The following SLA2 variants were observed in gnomAD, a reference collection of about 807,000 sequenced individuals.
SLA2 encodes src-like-adapter 2.
SLA2 carries 22 observed loss-of-function variants against 27.3 expected under a neutral mutation model. That is an observed-to-expected ratio of 0.81 (90% CI 0.58 to 1.15). SLA2 has a LOEUF of 1.15. Ranked by LOEUF, SLA2 falls within the 50% of genes most tolerant of loss-of-function variation. The pLI is 0.00. For synonymous variants in SLA2, 131 were observed against 137.8 expected (o/e 0.95, Z 0.34); for missense variants, 304 against 322.2 (o/e 0.94, Z 0.43).
In SLA2 at chr20:36,613,892, C is replaced by A; in HGVS notation, c.760G>T (p.Glu254Ter). Residue 254 changes from glutamate (E) to a stop codon, truncating the protein, a stop_gained, in exon 8 of 8, where the codon GAG (glutamate) becomes TAG (stop). Coordinates refer to ENST00000262866, the MANE Select transcript of SLA2 (RefSeq NM_032214.4). LOFTEE classifies it high-confidence loss of function. ...TAGGCATCATCCAAAGAGACAGCCT[C>A]GTCATTCAGGCTGATGTAGAAGCTG... is the stretch of plus-strand genomic sequence containing the variant. Reference protein sequence around the residue: ...SLSFYISLNDEAVSLDDA With the variant: ...SLSFYISLND 2 of 1,613,954 alleles carry A rather than the reference C, an allele frequency of 1.2e-6. No individual in the cohort carries two copies. The highest frequency in any genetic ancestry group is 1.7e-6 in the Non-Finnish European group (2 of 1,179,954).
chr20:36,618,999 G>A (rs935165397), intron 5 of SLA2, among the ~76,000 whole-genome samples: 1 of 151,120 alleles, frequency 6.6e-6, no homozygotes, highest in Non-Finnish European at 1.5e-5. Context: ...GTTGAGGTGG[G>A]CAGATCATTT....
At chr20:36,617,475 G>A (rs1470792089) in intron 5 of SLA2, among the ~76,000 whole-genome samples, 6 of 148,248 alleles carry the variant, frequency 4.0e-5, no homozygotes, top group Non-Finnish European at 6.0e-5. Flanking sequence ...TGAAGGTTGC[G>A]GTGAGCCAAG....
intron 2 of SLA2, among the ~76,000 whole-genome samples, chr20:36,636,281 C>T (rs1449020697): frequency 6.9e-6 from 1 of 145,614 alleles, no homozygotes; most frequent in Non-Finnish European, 1.5e-5. Context: ...ATTAGCCGGG[C>T]GCGGTGGCGG....
intron 2 of SLA2, among the ~76,000 whole-genome samples, chr20:36,637,701 A>C (rs546557709): frequency 7.9e-6 from 1 of 126,596 alleles, no homozygotes; most frequent in Non-Finnish European, 1.6e-5. Context: ...ATCTTGGCTC[A>C]CTGCAATCTT....
At chr20:36,625,927 C>T (rs1424802095) in intron 5 of SLA2, among the ~76,000 whole-genome samples, 1 of 150,984 alleles carries the variant, frequency 6.6e-6, no homozygotes, top group Non-Finnish European at 1.5e-5. Context: ...AAGTTCAAGA[C>T]TAGCCTGGGC....
intron 5 of SLA2, chr20:36,621,126 T>C: frequency 7.8e-6 from 3 of 386,996 alleles, no homozygotes; most frequent in Non-Finnish European, 1.5e-5. Flanking sequence ...ATGGTGAGCC[T>C]GCTTATAGCA....
rs768783143 is a variant in SLA2 at position 36,634,604 on chromosome 20, A to G, written c.92-15T>C. 2.6e-6 allele frequency: 4 copies of G among 1,548,730 alleles called. No homozygotes were observed. The highest frequency in any genetic ancestry group is 3.5e-6 in the Non-Finnish European group (4 of 1,127,494). On this transcript the variant is annotated splice_polypyrimidine_tract_variant and intron_variant, in intron 2 of 7. Coordinates refer to ENST00000262866, the MANE Select transcript of SLA2 (RefSeq NM_032214.4). ...CTTGCTTCTCTCTAGATGGAGGGACAGAAATAGTCACCTACTTAGCTAGCC... is the reference window on the plus strand; with the variant it reads ...CTTGCTTCTCTCTAGATGGAGGGACGGAAATAGTCACCTACTTAGCTAGCC...
intron 5 of SLA2, among the ~76,000 whole-genome samples, chr20:36,617,205 A>G (rs2039223123): frequency 6.8e-6 from 1 of 147,270 alleles, no homozygotes. Flanking sequence ...TAAAAATACA[A>G]AAAAAAAAAA....
chr20:36,621,361 C>A (rs1199889988), intron 5 of SLA2: 2 of 608,244 alleles, frequency 3.3e-6, no homozygotes, highest in Non-Finnish European at 6.3e-6. Flanking sequence ...CTCAGGCAGT[C>A]CCTATGGTGG....
intron 5 of SLA2, among the ~76,000 whole-genome samples, chr20:36,618,046 C>G (rs2039235117): frequency 6.7e-6 from 1 of 149,830 alleles, no homozygotes; most frequent in South Asian, 2.1e-4. Context: ...ACTCGGGAGG[C>G]TGAGGCAGGA....
At chr20:36,621,030 TG>T in intron 5 of SLA2, 1 of 352,296 alleles carries the variant, frequency 2.8e-6, no homozygotes, top group Non-Finnish European at 5.6e-6. Context: ...TTGGCTGCAG[TG>T]GAAACTTTGG....
At position 36,645,599 on chromosome 20, in the gene SLA2, A is replaced by T. The variant is rs140906218; in HGVS notation, c.-44+238T>A. 8.2e-4 allele frequency among the ~76,000 whole-genome samples: 125 copies of T among 152,300 alleles called. 1 individual carries two copies. Among genetic ancestry groups the T allele is most frequent in the African/African-American group, 2.9e-3 (122 of 41,566 alleles). Reference sequence around the variant, plus strand: ...TGGGACTAGGACGGGCGTGAAGACAAGCTGCACGGAAGAGCGTAAGCTCCA... The same window carrying T: ...TGGGACTAGGACGGGCGTGAAGACATGCTGCACGGAAGAGCGTAAGCTCCA... On this transcript the variant is annotated intron_variant, in intron 1 of 7. Transcript: ENST00000262866.
chr20:36,625,412 A>G (rs1416366489), intron 5 of SLA2, among the ~76,000 whole-genome samples: 2 of 151,912 alleles, frequency 1.3e-5, no homozygotes, highest in Non-Finnish European at 2.9e-5. Context: ...TTTAATAGAG[A>G]TGGGGTTTCA....
chr20:36,619,877 C>T (rs1363258684), intron 5 of SLA2, among the ~76,000 whole-genome samples: 1 of 150,958 alleles, frequency 6.6e-6, no homozygotes, highest in African/African-American at 2.4e-5. Context: ...TGTGATCCAC[C>T]TGTCTCGGCC....
intron 5 of SLA2, among the ~76,000 whole-genome samples, chr20:36,631,992 T>C (rs965370250): frequency 1.3e-5 from 2 of 152,160 alleles, no homozygotes; most frequent in Non-Finnish European, 2.9e-5. Flanking sequence ...AGGATACGAT[T>C]TTCGGGGTCC....
At chr20:36,632,533 T>G in intron 5 of SLA2, 62 bp downstream of exon 5, 1 of 1,314,326 alleles carries the variant, frequency 7.6e-7, no homozygotes, top group African/African-American at 1.4e-5. Context: ...GCCATATATC[T>G]GTGGGCTCCT....
intron 5 of SLA2, among the ~76,000 whole-genome samples, chr20:36,627,269 C>T (rs1212243496): frequency 6.6e-6 from 1 of 152,194 alleles, no homozygotes; most frequent in Non-Finnish European, 1.5e-5. Flanking sequence ...AAAGCTCCAG[C>T]AGGCTTAGGC....
chr20:36,617,574 T>G (rs1354788855), intron 5 of SLA2, among the ~76,000 whole-genome samples: 1 of 145,822 alleles, frequency 6.9e-6, no homozygotes, highest in African/African-American at 2.5e-5. Context: ...CAAAAGTTAA[T>G]GGGCCGGGCG....
chr20:36,627,586 C>T (rs2039352261), intron 5 of SLA2, among the ~76,000 whole-genome samples: 1 of 152,314 alleles, frequency 6.6e-6, no homozygotes, highest in East Asian at 1.9e-4. Flanking sequence ...TCATCAATCT[C>T]CCTTATAGTG....
Sources: gnomAD v4.1 joint callset for allele counts (sites outside exome capture counted in the v4.1 genomes callset) on GRCh38, gnomAD v4.1.1 for gene constraint, MANE v1.5 for transcripts, NCBI Gene and HGNC (gene_info 2026-07-23, HGNC 2026-07-21) for gene names.